Variants in ATP4A observed in about 807,000 individuals in gnomAD.
The protein encoded by ATP4A is ATPase H+/K+ transporting subunit alpha.
ATP4A carries 73 observed loss-of-function variants against 112.1 expected under a neutral mutation model. The observed-to-expected ratio is 0.65, with a 90% CI of 0.54 to 0.79. The LOEUF (loss-of-function observed/expected upper bound fraction) is 0.79. Among genes scored for constraint, ATP4A ranks in the 30% least tolerant of loss-of-function variants. The pLI, the probability that ATP4A is intolerant of heterozygous loss-of-function variation, is 0.00. For missense variants in ATP4A, 1,081 were observed against 1,425.9 expected (o/e 0.76, Z 3.90); for synonymous variants, 588 against 588.9 (o/e 1.00, Z 0.02).
Position 35,558,539 on chromosome 19 carries a change from A to C in ATP4A, c.1365+38T>G. 1 of 1,590,338 alleles carries C rather than the reference A, an allele frequency of 6.3e-7. No individual in the cohort carries two copies. Among genetic ancestry groups the C allele is most frequent in the Non-Finnish European group, 8.6e-7 (1 of 1,169,208 alleles). ...TGTCAGGGGCGAAGCCGGCTACACC[A>C]GCCTCCCGGGATTCCCTGGAGGCCC... On this transcript the variant is annotated intron_variant, in intron 9 of 21. Coordinates refer to ENST00000262623, the MANE Select transcript of ATP4A (RefSeq NM_000704.3). This position sits in a 1 kb window ranked among gnomAD's most constrained non-coding sequence, Gnocchi z 5.1.
Position 35,557,499 on chromosome 19 carries a change from C to A in ATP4A, c.1693+156G>T, listed in dbSNP as rs376140457. ...AAGTGAGGACAGACAGGGGTCAGGA[C>A]TGGTACAGGGAAAGTCAAGGGTGAG... On this transcript the variant is annotated intron_variant, in intron 11 of 21. Coordinates refer to ENST00000262623, the MANE Select transcript of ATP4A (RefSeq NM_000704.3). The surrounding 1 kb of genome is among the most constrained non-coding windows in gnomAD (Gnocchi z 4.4). Among the ~76,000 whole-genome samples the A allele has an allele frequency of 6.6e-5, 10 of 152,320 alleles. No individual in the cohort carries two copies. The highest frequency in any genetic ancestry group is 2.1e-4 in the South Asian group (1 of 4,826).
chr19:35,562,757 C>T, intron 3 of ATP4A, 119 bp from the exon 4 acceptor site: 1 of 996,300 alleles, frequency 1.0e-6, no homozygotes, highest in East Asian at 2.6e-5. Flanking sequence ...TCCTTCTCAT[C>T]TCTTTGTCTC....
rs1396183915 is a variant in ATP4A, at chr19:35,560,975, G to A, written c.421-43C>T. 6.4e-7 allele frequency: 1 copy of A among 1,574,488 alleles called. No homozygotes were observed. The highest frequency in any genetic ancestry group is 8.7e-7 in the Non-Finnish European group (1 of 1,145,038). The stretch of plus-strand genomic sequence containing the variant: ...GTGGGGTTATTCAGAGGGGCCGGAA[G>A]CTGCCTGCCTGAGGCCACCGACCTG... On this transcript the variant is annotated intron_variant, in intron 4 of 21. Transcript: ENST00000262623. This position sits in a 1 kb window ranked among gnomAD's most constrained non-coding sequence, Gnocchi z 5.1.
At chr19:35,552,008 T>G (rs1443896014) in intron 18 of ATP4A, among the ~76,000 whole-genome samples, 2 of 152,092 alleles carry the variant, frequency 1.3e-5, no homozygotes, top group Admixed American at 1.3e-4. Flanking sequence ...AGATGCCCCA[T>G]TTAAAGGGGG....
At chr19:35,561,434 C>T (rs547326638) in intron 4 of ATP4A, among the ~76,000 whole-genome samples, 109 of 152,184 alleles carry the variant, frequency 7.2e-4, no homozygotes, top group African/African-American at 2.6e-3. Context: ...CCCGTCCCTG[C>T]GTGTGCTGCA....
rs181550982 is a variant in ATP4A at position 35,550,478 on chromosome 19, G to T, written c.*137C>A. The T allele has an allele frequency of 6.7e-6, 8 of 1,188,716 alleles. No homozygotes were observed. In the African/African-American group the frequency reaches 1.1e-4, roughly 16 times the overall value. 73.6% of individuals were successfully genotyped at this position (1,188,716 alleles called of 1,614,324 possible). On this transcript the variant is annotated 3_prime_UTR_variant, in exon 22 of 22. Transcript: ENST00000262623. This position sits in a 1 kb window ranked among gnomAD's most constrained non-coding sequence, Gnocchi z 4.1. Reference sequence around the variant, plus strand: ...CAGGTCCCTCCAAGTTTGGGGTGCCGTGGGCTACAGAAGCAGATACTGGTG... The same window carrying T: ...CAGGTCCCTCCAAGTTTGGGGTGCCTTGGGCTACAGAAGCAGATACTGGTG...
Position 35,558,576 on chromosome 19 carries a change from C to G in ATP4A, c.1365+1G>C, listed in dbSNP as rs1182534455. The G allele has an allele frequency of 6.2e-7, 1 of 1,601,868 alleles. No homozygotes were observed. Among genetic ancestry groups the G allele is most frequent in the Non-Finnish European group, 8.5e-7 (1 of 1,175,164 alleles). ...TTCCCTGGAGGCCCCCTGGCTCTCA[C>G]CTTGGGCACAGGCACTGCATCCTGG... On this transcript the variant is annotated splice_donor_variant, in intron 9 of 21. Coordinates refer to ENST00000262623, the MANE Select transcript of ATP4A (RefSeq NM_000704.3). LOFTEE classifies it high-confidence loss of function. This position sits in a 1 kb window ranked among gnomAD's most constrained non-coding sequence, Gnocchi z 5.1.
At position 35,560,289 on chromosome 19, in the gene ATP4A, T is replaced by C. The variant is rs1599574713; in HGVS notation, c.787+74A>G. The C allele has an allele frequency of 1.3e-6, 2 of 1,588,974 alleles. No individual in the cohort carries two copies. Among genetic ancestry groups the C allele is most frequent in the Non-Finnish European group, 1.7e-6 (2 of 1,166,400 alleles). On this transcript the variant is annotated intron_variant, in intron 6 of 21. Coordinates refer to ENST00000262623, the MANE Select transcript of ATP4A (RefSeq NM_000704.3). This position sits in a 1 kb window ranked among gnomAD's most constrained non-coding sequence, Gnocchi z 5.1. ...GAGAGACAGGGAGGCTGAAGCCCCCTGTCCTAGAAGATAGCAGGAGAGAGG... is the reference window on the plus strand; with the variant it reads ...GAGAGACAGGGAGGCTGAAGCCCCCCGTCCTAGAAGATAGCAGGAGAGAGG...
At position 35,551,089 on chromosome 19, in the gene ATP4A, T is replaced by C. The variant is rs781158416; in HGVS notation, c.2908A>G (p.Ile970Val). 3 of 1,611,726 alleles carry C rather than the reference T, an allele frequency of 1.9e-6. No homozygotes were observed. The highest frequency in any genetic ancestry group is 2.2e-5 in the South Asian group (2 of 90,568). ...CAGCCGATGCAGACCTGGAACACGA[T>C]GGCGATCACCAGGATCTTATTCCTG... ...FFRNKILVIA[I>V]VFQVCIGCFL... Residue 970 changes from isoleucine to valine, a missense_variant, in exon 20 of 22, where the codon ATC becomes GTC. Around this residue, in one of 3 missense-constraint regions of ATP4A, gnomAD observed 219 missense variants for 320.9 expected, o/e 0.68. Coordinates refer to ENST00000262623, the MANE Select transcript of ATP4A (RefSeq NM_000704.3). This position sits in a 1 kb window ranked among gnomAD's most constrained non-coding sequence, Gnocchi z 5.2.
chr19:35,557,972 G>A lies in ATP4A; in HGVS notation c.1501-125C>T. 2.5e-6 allele frequency: 2 copies of A among 810,682 alleles called. No individual in the cohort carries two copies. The highest frequency in any genetic ancestry group is 3.0e-5 in the Admixed American group (1 of 32,968). 50.2% of individuals were successfully genotyped at this position (810,682 alleles called of 1,614,324 possible). On this transcript the variant is annotated intron_variant, in intron 10 of 21. Coordinates refer to ENST00000262623, the MANE Select transcript of ATP4A (RefSeq NM_000704.3). This position sits in a 1 kb window ranked among gnomAD's most constrained non-coding sequence, Gnocchi z 4.4. ...GCTCGGTGCGGGCTCTGAGAGCTGC[G>A]GGGAAGGGTGAAGGTGGAAGATGGA...
chr19:35,557,698 C>A lies in ATP4A; in HGVS notation c.1650G>T (p.Gln550His). ...GGCCTCCCAGGCTGAGGTAGGCGGT[C>A]TGGAAGGCCTCGCGCCACTGCTCGT... ...PLDEQWREAFQTAYLSLGGLG... is the reference protein window; with the variant it reads ...PLDEQWREAFHTAYLSLGGLG... Residue 550 changes from glutamine to histidine, a missense_variant, in exon 11 of 22, where the codon CAG (glutamine) becomes CAT (histidine). Coordinates refer to ENST00000262623, the MANE Select transcript of ATP4A (RefSeq NM_000704.3). The surrounding 1 kb of genome is among the most constrained non-coding windows in gnomAD (Gnocchi z 4.4). 1 of 1,609,194 alleles carries A rather than the reference C, an allele frequency of 6.2e-7. No individual in the cohort carries two copies. Among genetic ancestry groups the A allele is most frequent in the Non-Finnish European group, 8.5e-7 (1 of 1,178,374 alleles).
rs2071666205 is a variant in ATP4A, at chr19:35,560,821, G to A, written c.532C>T (p.Gln178Ter). ...TGGCTGGGTGCTGGGGAACCCACCTGTGGCACAAGGTTCTTAAAGCTGGCG... is the reference window on the plus strand; with the variant it reads ...TGGCTGGGTGCTGGGGAACCCACCTATGGCACAAGGTTCTTAAAGCTGGCG... ...IIASFKNLVP[Q>*]QATVIRDGDK... Residue 178 changes from glutamine to a stop codon, truncating the protein, a stop_gained and splice_region_variant, in exon 5 of 22, where the codon CAG becomes TAG. Transcript: ENST00000262623. LOFTEE classifies it high-confidence loss of function. This position sits in a 1 kb window ranked among gnomAD's most constrained non-coding sequence, Gnocchi z 5.1. The A allele has an allele frequency of 6.2e-7, 1 of 1,613,732 alleles. No individual in the cohort carries two copies. Among genetic ancestry groups the A allele is most frequent in the Non-Finnish European group, 8.5e-7 (1 of 1,179,680 alleles).
chr19:35,551,963 G>A lies in ATP4A; in HGVS notation c.2752-383C>T, dbSNP rs1340323759. Among the ~76,000 whole-genome samples, 1 of 152,172 alleles carries A rather than the reference G, an allele frequency of 6.6e-6. No individual in the cohort carries two copies. The highest frequency in any genetic ancestry group is 1.5e-5 in the Non-Finnish European group (1 of 68,022). On this transcript the variant is annotated intron_variant, in intron 18 of 21. Coordinates refer to ENST00000262623, the MANE Select transcript of ATP4A (RefSeq NM_000704.3). The surrounding 1 kb of genome is among the most constrained non-coding windows in gnomAD (Gnocchi z 5.2). Reference sequence around the variant, plus strand: ...GGCCAGGCAGATGGCAAAAATAGGTGAGGCAGTCACCGCGGGCCTTTGGGA... The same window carrying A: ...GGCCAGGCAGATGGCAAAAATAGGTAAGGCAGTCACCGCGGGCCTTTGGGA...
chr19:35,555,033 T>C lies in ATP4A; in HGVS notation c.2370A>G (p.Thr790=), dbSNP rs2071622255. 6.2e-7 allele frequency: 1 copy of C among 1,613,924 alleles called. No individual in the cohort carries two copies. Among genetic ancestry groups the C allele is most frequent in the Non-Finnish European group, 8.5e-7 (1 of 1,179,998 alleles). Residue 790 remains threonine, a synonymous_variant, in exon 16 of 22, where the codon ACA becomes ACG. Coordinates refer to ENST00000262623, the MANE Select transcript of ATP4A (RefSeq NM_000704.3). This position sits in a 1 kb window ranked among gnomAD's most constrained non-coding sequence, Gnocchi z 6.6. ...FDNLKKSIAY[T]LTKNIPELTP... ...TCAGCTCTGGGATGTTCTTGGTCAA[T>C]GTGTAGGCAATAGACTTCTTCAGGT...
chr19:35,558,649 C>T lies in ATP4A; in HGVS notation c.1293G>A (p.Ala431=). ...TFDQSSETWR[A]LCRVLTLCNR... is the part of the protein sequence containing the mutation. The stretch of plus-strand genomic sequence containing the variant: ...TGCACAGGGTGAGCACCCGGCACAG[C>T]GCCCGCCACGTCTCCGAGGACTGGT... Residue 431 remains alanine (A), a synonymous_variant, in exon 9 of 22, where the codon GCG becomes GCA. Transcript: ENST00000262623. The surrounding 1 kb of genome is among the most constrained non-coding windows in gnomAD (Gnocchi z 5.1). The T allele has an allele frequency of 1.3e-6, 2 of 1,588,524 alleles. No homozygotes were observed. The highest frequency in any genetic ancestry group is 1.7e-6 in the Non-Finnish European group (2 of 1,171,450).
chr19:35,555,584 G>A lies in ATP4A; in HGVS notation c.2013C>T (p.Ala671=). 6.3e-7 allele frequency: 1 copy of A among 1,579,736 alleles called. No individual in the cohort carries two copies. Among genetic ancestry groups the A allele is most frequent in the South Asian group, 1.2e-5 (1 of 86,872 alleles). ...GCATGCCATTGATCACACAGGCACGGGCATCCCTGGGGAGGAGATGGGAGG... is the reference window on the plus strand; with the variant it reads ...GCATGCCATTGATCACACAGGCACGAGCATCCCTGGGGAGGAGATGGGAGG... The part of the protein sequence containing the change: ...VPVDQVNRKD[A]RACVINGMQL... Residue 671 remains alanine, a synonymous_variant, in exon 14 of 22, where the codon GCC becomes GCT. Coordinates refer to ENST00000262623, the MANE Select transcript of ATP4A (RefSeq NM_000704.3). The surrounding 1 kb of genome is among the most constrained non-coding windows in gnomAD (Gnocchi z 6.6).
In ATP4A at chr19:35,558,938, G is replaced by A; in HGVS notation, c.1255+55C>T. 6.2e-7 allele frequency: 1 copy of A among 1,600,154 alleles called. No homozygotes were observed. The highest frequency in any genetic ancestry group is 8.6e-7 in the Non-Finnish European group (1 of 1,169,266). On this transcript the variant is annotated intron_variant, in intron 8 of 21. Coordinates refer to ENST00000262623, the MANE Select transcript of ATP4A (RefSeq NM_000704.3). The surrounding 1 kb of genome is among the most constrained non-coding windows in gnomAD (Gnocchi z 5.1). ...TCCCTACCTCCCTATCCCTCTTCAG[G>A]TCTCCACCATCCACCAGATCCTGCC...
At position 35,550,287 on chromosome 19, in the gene ATP4A, C is replaced by T. The variant is rs1304507981; in HGVS notation, c.*328G>A. 7.9e-6 allele frequency: 3 copies of T among 380,084 alleles called. No individual in the cohort carries two copies. The highest frequency in any genetic ancestry group is 2.0e-5 in the African/African-American group (1 of 48,972). 23.5% of individuals were successfully genotyped at this position (380,084 alleles called of 1,614,324 possible). A position where few individuals can be genotyped will look rare whatever the true frequency, so the allele number is the denominator to read the frequency against. Reference sequence around the variant, plus strand: ...CCCTCAGGCAGCCGTCCAGCCTGGACTGGAGTCCTAAGAACAGAAACACCC... The same window carrying T: ...CCCTCAGGCAGCCGTCCAGCCTGGATTGGAGTCCTAAGAACAGAAACACCC... On this transcript the variant is annotated 3_prime_UTR_variant, in exon 22 of 22. Coordinates refer to ENST00000262623, the MANE Select transcript of ATP4A (RefSeq NM_000704.3). This position sits in a 1 kb window ranked among gnomAD's most constrained non-coding sequence, Gnocchi z 4.1.
At chr19:35,556,798 C>T (rs1176732825) in intron 12 of ATP4A, 115 bp downstream of exon 12, 1 of 1,251,128 alleles carries the variant, frequency 8.0e-7, no homozygotes, top group African/African-American at 1.5e-5. Flanking sequence ...GTATCATAAA[C>T]CAATGCATTT....
Sources: gnomAD v4.1 joint callset for allele counts (sites outside exome capture counted in the v4.1 genomes callset) on GRCh38, gnomAD v4.1.1 for gene constraint, gnomAD v4.1.1 regional missense constraint, Gnocchi (gnomAD v3.1) non-coding constraint, MANE v1.5 for transcripts, NCBI Gene and HGNC (gene_info 2026-07-23, HGNC 2026-07-21) for gene names.